Variants in CDC16 observed in about 807,000 individuals in gnomAD.
CDC16 encodes cell division cycle protein 16 homolog.
In CDC16, 34 loss-of-function variants were observed where a neutral mutation model predicts 87.0. That is an observed-to-expected ratio of 0.39 (90% confidence interval 0.30 to 0.52). The LOEUF (loss-of-function observed/expected upper bound fraction) is 0.52. Ranked by LOEUF, CDC16 falls within the 20% of genes least tolerant of loss-of-function variation. CDC16 has a pLI of 0.74. For missense variants in CDC16, 653 were observed against 751.9 expected (o/e 0.87, Z 1.54); for synonymous variants, 263 against 260.6 (o/e 1.01, Z -0.09).
chr13:114,256,998 T>C, intron 12 of CDC16, 80 bp from the exon 13 acceptor site: 1 of 853,850 alleles, frequency 1.2e-6, no homozygotes, highest in Non-Finnish European at 1.8e-6. Context: ...ATTTTGCAGA[T>C]AGGATTTGAA....
In CDC16 at chr13:114,234,970, C is replaced by G; in HGVS notation, c.-115C>G. 1 of 717,822 alleles carries G rather than the reference C, an allele frequency of 1.4e-6. No homozygotes were observed. Among genetic ancestry groups the G allele is most frequent in the Non-Finnish European group, 1.9e-6 (1 of 532,098 alleles). 44.5% of individuals were successfully genotyped at this position (717,822 alleles called of 1,614,324 possible). On this transcript the variant is annotated 5_prime_UTR_variant, in exon 1 of 18. Transcript: ENST00000356221. ...GCCTTCGAGTCCGCGGCCTTCGAGTCCTGGGGCGGCGGCGGCGGCTGCAGG... is the reference window on the plus strand; with the variant it reads ...GCCTTCGAGTCCGCGGCCTTCGAGTGCTGGGGCGGCGGCGGCGGCTGCAGG...
At chr13:114,240,943 T>TA (rs1207188368) in intron 5 of CDC16, among the ~76,000 whole-genome samples, 1 of 152,066 alleles carries the variant, frequency 6.6e-6, no homozygotes, top group African/African-American at 2.4e-5. Flanking sequence ...ATTACATTTT[T>TA]AAAAAACAAC....
chr13:114,272,269 G>A lies in CDC16; in HGVS notation c.1689G>A (p.Trp563Ter). ...TAAAAAACATTATTTCACCTCCGTG[G>A]GATTTCAGGGAATTTGAAGTAGAAA... ...KTLKNIISPPWDFREFEVEKQ... is the reference protein window; with the variant it reads ...KTLKNIISPP The change falls in exon 18 of 18, where the codon TGG (tryptophan) becomes TGA (stop). Residue 563 changes from tryptophan (W) to a stop codon, truncating the protein, a stop_gained. Coordinates refer to ENST00000356221, the MANE Select transcript of CDC16 (RefSeq NM_001078645.3). LOFTEE classifies it high-confidence loss of function. 1 of 1,613,864 alleles carries A rather than the reference G, an allele frequency of 6.2e-7. No individual in the cohort carries two copies. The highest frequency in any genetic ancestry group is 1.1e-5 in the South Asian group (1 of 91,072).
chr13:114,235,908 G>A (rs1463188178), intron 1 of CDC16, among the ~76,000 whole-genome samples: 1 of 152,152 alleles, frequency 6.6e-6, no homozygotes, highest in East Asian at 1.9e-4. Flanking sequence ...AATATGACAG[G>A]CCCGGTTTCC....
At position 114,243,364 on chromosome 13, in the gene CDC16, G is replaced by T; in HGVS notation, c.633+16G>T. 1 of 1,209,026 alleles carries T rather than the reference G, an allele frequency of 8.3e-7. No homozygotes were observed. The highest frequency in any genetic ancestry group is 1.2e-5 in the South Asian group (1 of 81,336). 74.9% of individuals were successfully genotyped at this position (1,209,026 alleles called of 1,614,324 possible). On this transcript the variant is annotated intron_variant, in intron 7 of 17. Transcript: ENST00000356221. ...ATTGAAAAAAGTAAGTAAAACCAAA[G>T]AGTTAGCACTTGCTTTATGTAAATA...
chr13:114,251,140 C>A (rs181392213), intron 12 of CDC16, among the ~76,000 whole-genome samples: 23 of 152,246 alleles, frequency 1.5e-4, no homozygotes, highest in Middle Eastern at 3.4e-3. Context: ...TTCACATTGA[C>A]TGTTTGGTCT....
Position 114,254,591 on chromosome 13 carries a change from ATTAT to A in CDC16, c.1098-2481_1098-2478del, listed in dbSNP as rs2082387115. ...AGTCCATCAGCACAGATCTGTTATT[ATTAT>A]TTATTCTGTTGTCTTTTAAATCAGA... is the stretch of plus-strand genomic sequence containing the variant. On this transcript the variant is annotated intron_variant, in intron 12 of 17. Coordinates refer to ENST00000356221, the MANE Select transcript of CDC16 (RefSeq NM_001078645.3). Among the ~76,000 whole-genome samples the A allele has an allele frequency of 4.6e-5, 7 of 152,282 alleles. No homozygotes were observed. The South Asian group carries it at 1.5e-3, about 32-fold the overall frequency.
Position 114,262,907 on chromosome 13 carries a change from C to A in CDC16, c.1405C>A (p.Arg469Ser). The change falls in exon 16 of 18, where the codon CGT (arginine) becomes AGT (serine). Residue 469 changes from arginine (R) to serine (S), a missense_variant. Transcript: ENST00000356221. ...KKYAEALDYH[R>S]QALVLIPQNA... ...GTATGCTGAGGCCTTGGATTACCAC[C>A]GTCAGGCACTGGTGTTGATTCCTCA... 1 of 1,614,058 alleles carries A rather than the reference C, an allele frequency of 6.2e-7. No homozygotes were observed. The highest frequency in any genetic ancestry group is 8.5e-7 in the Non-Finnish European group (1 of 1,179,938).
At chr13:114,268,268 T>TA (rs990997741) in intron 17 of CDC16, among the ~76,000 whole-genome samples, 1 of 152,194 alleles carries the variant, frequency 6.6e-6, no homozygotes, top group African/African-American at 2.4e-5. Context: ...AATTTGGGCT[T>TA]ACCTCCCGAC....
At chr13:114,244,609 G>A (rs1004890729) in intron 8 of CDC16, 3 of 251,492 alleles carry the variant, frequency 1.2e-5, no homozygotes, top group African/African-American at 4.4e-5. Context: ...TTAAATAAGC[G>A]GCCTACTTAT....
At chr13:114,244,018 G>C (rs2081706063) in intron 8 of CDC16, 29 bp downstream of exon 8, 1 of 1,554,834 alleles carries the variant, frequency 6.4e-7, no homozygotes, top group African/African-American at 1.4e-5. Flanking sequence ...TTTTCTGTAG[G>C]AACATGGAGT....
rs780691747 is a variant in CDC16, at chr13:114,239,480, C to T, written c.371C>T (p.Ser124Leu). ...FKDPSSDWEMSQSSIKSSICL... is the reference protein window; with the variant it reads ...FKDPSSDWEMLQSSIKSSICL... ...GATCCTTCCAGCGACTGGGAAATGT[C>T]ACAGTCTTCAGTAAGTAGTACTGTG... Residue 124 changes from serine (S) to leucine (L), a missense_variant, in exon 5 of 18, where the codon TCA (serine) becomes TTA (leucine). Coordinates refer to ENST00000356221, the MANE Select transcript of CDC16 (RefSeq NM_001078645.3). 3 of 1,610,630 alleles carry T rather than the reference C, an allele frequency of 1.9e-6. No homozygotes were observed. Among genetic ancestry groups the T allele is most frequent in the South Asian group, 2.2e-5 (2 of 90,810 alleles).
At chr13:114,258,360 T>C (rs570713189) in intron 13 of CDC16, among the ~76,000 whole-genome samples, 3 of 152,018 alleles carry the variant, frequency 2.0e-5, no homozygotes, top group Non-Finnish European at 4.4e-5. Context: ...CCAGCTGGAG[T>C]CTAAGAAGGC....
Position 114,240,017 on chromosome 13 carries a change from A to G in CDC16, c.381+527A>G, listed in dbSNP as rs1012282527. 7.2e-5 allele frequency among the ~76,000 whole-genome samples: 11 copies of G among 152,058 alleles called. No homozygotes were observed. The South Asian group carries it at 2.3e-3, about 31-fold the overall frequency. On this transcript the variant is annotated intron_variant, in intron 5 of 17. Coordinates refer to ENST00000356221, the MANE Select transcript of CDC16 (RefSeq NM_001078645.3). ...CAGATCACTAATCTGGATTTAAAAA[A>G]AAAAATAAAAACTTATTGAGGTATA...
chr13:114,235,143 C>G lies in CDC16; in HGVS notation c.48+11C>G, dbSNP rs2138821835. ...CAGTACCTCGACCAGGTGGGCGGCCCCGACTCGGGGTGCGGGGCCCAGGCC... is the reference window on the plus strand; with the variant it reads ...CAGTACCTCGACCAGGTGGGCGGCCGCGACTCGGGGTGCGGGGCCCAGGCC... On this transcript the variant is annotated intron_variant, in intron 1 of 17. Coordinates refer to ENST00000356221, the MANE Select transcript of CDC16 (RefSeq NM_001078645.3). 1.6e-6 allele frequency: 2 copies of G among 1,242,528 alleles called. No individual in the cohort carries two copies. Among genetic ancestry groups the G allele is most frequent in the Admixed American group, 4.2e-5 (1 of 24,044 alleles). 77.0% of individuals were successfully genotyped at this position (1,242,528 alleles called of 1,614,324 possible).
chr13:114,236,655 A>G lies in CDC16; in HGVS notation c.59A>G (p.Gln20Arg). 9 of 1,613,122 alleles carry G rather than the reference A, an allele frequency of 5.6e-6. No homozygotes were observed. Among genetic ancestry groups the G allele is most frequent in the Non-Finnish European group, 7.6e-6 (9 of 1,179,806 alleles). ...VRQYLDQQQY[Q>R]SALFWADKVA... is the part of the protein sequence containing the mutation. The stretch of plus-strand genomic sequence containing the variant: ...TTTTTTGGTATGCAGCAACAGTATC[A>G]AAGTGCTCTATTTTGGGCAGATAAA... Residue 20 changes from glutamine (Q) to arginine (R), a missense_variant, in exon 2 of 18, where the codon CAA (glutamine) becomes CGA (arginine). Coordinates refer to ENST00000356221, the MANE Select transcript of CDC16 (RefSeq NM_001078645.3).
chr13:114,268,444 G>A (rs2083390399), intron 17 of CDC16, among the ~76,000 whole-genome samples: 1 of 152,202 alleles, frequency 6.6e-6, no homozygotes, highest in Admixed American at 6.5e-5. Context: ...TGAGCAAGCA[G>A]CTGATGAGCC....
intron 13 of CDC16, among the ~76,000 whole-genome samples, chr13:114,258,923 C>T (rs1260558588): frequency 6.6e-6 from 1 of 151,872 alleles, no homozygotes; most frequent in Non-Finnish European, 1.5e-5. Flanking sequence ...CATGGCGAAA[C>T]CCCATCTCTA....
At chr13:114,242,344 C>A (rs763624912) in intron 6 of CDC16, 64 bp downstream of exon 6, 2 of 1,472,868 alleles carry the variant, frequency 1.4e-6, no homozygotes, top group African/African-American at 1.4e-5. Flanking sequence ...GATTTTTTGC[C>A]TCTGAAATCT....
Sources: gnomAD v4.1 joint callset for allele counts (sites outside exome capture counted in the v4.1 genomes callset) on GRCh38, gnomAD v4.1.1 for gene constraint, MANE v1.5 for transcripts, NCBI Gene and HGNC (gene_info 2026-07-23, HGNC 2026-07-21) for gene names.